The following FAM3B variants were observed in gnomAD, a reference collection of about 807,000 sequenced individuals.
FAM3B encodes FAM3 metabolism regulating signaling molecule B, also known as protein FAM3B.
A neutral mutation model predicts 28.4 loss-of-function variants in FAM3B; 29 were observed. The ratio of observed to expected loss-of-function variants is 1.02; its 90% CI spans 0.76 to 1.39. The LOEUF (loss-of-function observed/expected upper bound fraction) is 1.39. Ranked by LOEUF, FAM3B falls within the 40% of genes most tolerant of loss-of-function variation. FAM3B has a pLI of 0.00. For missense variants in FAM3B, 266 were observed against 293.9 expected, an observed-to-expected ratio of 0.91 and a Z score of 0.69; for synonymous variants, 91 against 103.0, an observed-to-expected ratio of 0.88 and a Z score of 0.71.
chr21:41,341,118 G>A (rs1390814877), intron 3 of FAM3B, among the ~76,000 whole-genome samples: 5 of 151,926 alleles, frequency 3.3e-5, no homozygotes, highest in Non-Finnish European at 5.9e-5. Flanking sequence ...ACACAGTTAT[G>A]ACCTTGGCTT....
At chr21:41,305,227 A>T (rs535776977) in intron 1 of FAM3B, among the ~76,000 whole-genome samples, 1 of 152,234 alleles carries the variant, frequency 6.6e-6, no homozygotes, top group Non-Finnish European at 1.5e-5. Flanking sequence ...GAGATAGAAA[A>T]GAAAGTGGGG....
chr21:41,331,329 G>A (rs537867831), intron 2 of FAM3B, among the ~76,000 whole-genome samples: 44 of 152,134 alleles, frequency 2.9e-4, no homozygotes, highest in African/African-American at 9.6e-4. Flanking sequence ...TGTATGTTTT[G>A]GATATTAATC....
chr21:41,344,637 G>A (rs779912399), intron 4 of FAM3B, 103 bp downstream of exon 4: 12 of 859,112 alleles, frequency 1.4e-5, no homozygotes, highest in African/African-American at 5.1e-5. Flanking sequence ...TTTAGTCTAG[G>A]TTTGTATTTT....
At chr21:41,353,497 G>GAT (rs2089139328) in intron 7 of FAM3B, among the ~76,000 whole-genome samples, 1 of 152,238 alleles carries the variant, frequency 6.6e-6, no homozygotes, top group South Asian at 2.1e-4. Flanking sequence ...CAGCAGATGT[G>GAT]CATGTTCTCA....
At chr21:41,353,418 C>G (rs1456858350) in intron 7 of FAM3B, among the ~76,000 whole-genome samples, 1 of 152,188 alleles carries the variant, frequency 6.6e-6, no homozygotes, top group Admixed American at 6.5e-5. Flanking sequence ...CACAAAGCTG[C>G]TGTGATTGAG....
In FAM3B at chr21:41,355,556, GAAAC is replaced by G. The variant is rs3037007; in HGVS notation, c.619-1530_619-1527del. Among the ~76,000 whole-genome samples the G allele has an allele frequency of 9.3e-3, 1,402 of 151,200 alleles. 14 individuals carry two copies. The highest frequency in any genetic ancestry group is 0.023 in the African/African-American group (950 of 41,354). ...GATGAACCTTGAAAACAGGCTAAGTGAAACAAACAAACAAACAAACAAACACAAA... is the reference window on the plus strand; with the variant it reads ...GATGAACCTTGAAAACAGGCTAAGTGAAACAAACAAACAAACAAACACAAA... On this transcript the variant is annotated intron_variant, in intron 7 of 7. Coordinates refer to ENST00000357985, the MANE Select transcript of FAM3B (RefSeq NM_058186.4).
chr21:41,323,338 T>C (rs1461953191), intron 2 of FAM3B, among the ~76,000 whole-genome samples: 1 of 152,204 alleles, frequency 6.6e-6, no homozygotes, highest in East Asian at 1.9e-4. Flanking sequence ...TCCGCCCAGA[T>C]CTTGGCTTCC....
In FAM3B at chr21:41,338,403, T is replaced by C. The variant is rs560388504; in HGVS notation, c.189T>C (p.Cys63=). The C allele has an allele frequency of 1.4e-4, 225 of 1,614,206 alleles. 1 individual carries two copies. In the South Asian group the frequency reaches 2.4e-3, roughly 17 times the overall value. The part of the protein sequence containing the change: ...LKAPVPKRQK[C]DHWTPCPSDT... ...CTCCAGTCCCCAAAAGGCAAAAATG[T>C]GACCACTGGACTCCCTGCCCATCTG... Residue 63 remains cysteine (C), a synonymous_variant, in exon 3 of 8, where the codon TGT becomes TGC. Coordinates refer to ENST00000357985, the MANE Select transcript of FAM3B (RefSeq NM_058186.4).
chr21:41,308,561 C>CA lies in FAM3B; in HGVS notation n.99+4252dup, dbSNP rs2088693951. ...TTTTTTTTTTTTTTTTTTTTTGAGA[C>CA]AGAGTTTCACTCTTGTTGCCCAGGC... On this transcript the variant is annotated intron_variant and non_coding_transcript_variant, in intron 1 of 9. Coordinates refer to the FAM3B transcript ENST00000479810. Among the ~76,000 whole-genome samples, 3 of 116,544 alleles carry CA rather than the reference C, an allele frequency of 2.6e-5. No homozygotes were observed. The Admixed American group carries it at 3.2e-4, about 12-fold the overall frequency. The allele number at this position is 116,544 out of a possible 152,430, so 76.5% of individuals were successfully genotyped here.
Position 41,326,165 on chromosome 21 carries a change from T to A in FAM3B, c.163+3099T>A, listed in dbSNP as rs1242176858. ...CTTTTGATTGTTTGGGGGAAGGAAT[T>A]TCAGGAAAAGCACTGAAGACCTAGA... On this transcript the variant is annotated intron_variant, in intron 2 of 7. Transcript: ENST00000357985. This position sits in a 1 kb window ranked among gnomAD's most constrained non-coding sequence, Gnocchi z 4.0. Among the ~76,000 whole-genome samples, 2 of 152,132 alleles carry A rather than the reference T, an allele frequency of 1.3e-5. No individual in the cohort carries two copies. Among genetic ancestry groups the A allele is most frequent in the African/African-American group, 4.8e-5 (2 of 41,420 alleles).
chr21:41,342,284 T>C (rs1320808630), intron 3 of FAM3B, among the ~76,000 whole-genome samples: 2 of 152,226 alleles, frequency 1.3e-5, no homozygotes, highest in Non-Finnish European at 2.9e-5. Flanking sequence ...AGATTCCTTG[T>C]CTGGTTTTCA....
At chr21:41,355,721 G>C (rs1275398225) in intron 7 of FAM3B, among the ~76,000 whole-genome samples, 1 of 152,192 alleles carries the variant, frequency 6.6e-6, no homozygotes, top group Non-Finnish European at 1.5e-5. Flanking sequence ...ATGGCTTCTT[G>C]TTTGGGTGAT....
rs780862432 is a variant in FAM3B at position 41,322,982 on chromosome 21, C to T, written c.79C>T (p.Leu27=). ...CTTGTGTGCCTGGTATTCGGGGTAC[C>T]TGCTCGCAGAGCTCATTCCAGATGC... The part of the protein sequence containing the change: ...ASLCAWYSGY[L]LAELIPDAPL... Residue 27 remains leucine, a synonymous_variant, in exon 2 of 8, where the codon CTG becomes TTG. Coordinates refer to ENST00000357985, the MANE Select transcript of FAM3B (RefSeq NM_058186.4). 1 of 1,612,316 alleles carries T rather than the reference C, an allele frequency of 6.2e-7. No individual in the cohort carries two copies. The highest frequency in any genetic ancestry group is 1.3e-5 in the African/African-American group (1 of 74,954).
At chr21:41,310,401 C>T (rs937102935) in intron 1 of FAM3B, among the ~76,000 whole-genome samples, 17 of 152,326 alleles carry the variant, frequency 1.1e-4, no homozygotes, top group African/African-American at 3.6e-4. Context: ...CTAGGAACCC[C>T]GTGAGCTACT....
intron 2 of FAM3B, among the ~76,000 whole-genome samples, chr21:41,330,739 T>G (rs393604): frequency 0.2 from 30,352 of 152,172 alleles, 5,073 homozygotes; most frequent in African/African-American, 0.45. Flanking sequence ...CTGTCCTCCA[T>G]GTTCATCTAC....
At chr21:41,343,381 C>A (rs548132873) in intron 3 of FAM3B, among the ~76,000 whole-genome samples, 1 of 152,176 alleles carries the variant, frequency 6.6e-6, no homozygotes, top group Non-Finnish European at 1.5e-5. Flanking sequence ...TTAACAACAA[C>A]AGCAACAACA....
In FAM3B at chr21:41,357,665, TTGAGCTCTTGAACTCCTCCTGTGGGCCTG is replaced by T. The variant is rs899677348; in HGVS notation, c.*472_*500del. ...ATGTTATGTCCTTGTTCAACTCAAC[TTGAGCTCTTGAACTCCTCCTGTGGGCCTG>T]TGAATGTATTCATTCATTCCACAAC... On this transcript the variant is annotated 3_prime_UTR_variant, in exon 8 of 8. Coordinates refer to ENST00000357985, the MANE Select transcript of FAM3B (RefSeq NM_058186.4). 6.6e-6 allele frequency among the ~76,000 whole-genome samples: 1 copy of T among 152,208 alleles called. No individual in the cohort carries two copies. The highest frequency in any genetic ancestry group is 1.5e-5 in the Non-Finnish European group (1 of 68,034).
chr21:41,356,506 T>C (rs7276343), intron 7 of FAM3B, among the ~76,000 whole-genome samples: 24,826 of 152,156 alleles, frequency 0.16, 2,481 homozygotes, highest in African/African-American at 0.28. Flanking sequence ...CCTTGGAGTA[T>C]AGTTTCTACT....
chr21:41,345,634 G>A, intron 4 of FAM3B, 52 bp from the exon 5 acceptor site: 1 of 1,115,442 alleles, frequency 9.0e-7, no homozygotes, highest in South Asian at 1.6e-5. Flanking sequence ...TGCCACAAGT[G>A]CGCCCTAGTT....
Sources: allele counts gnomAD v4.1 joint callset (sites outside exome capture counted in the v4.1 genomes callset), GRCh38; gene constraint gnomAD v4.1.1; non-coding constraint Gnocchi (gnomAD v3.1); transcripts MANE v1.5; gene names NCBI Gene and HGNC (gene_info 2026-07-23, HGNC 2026-07-21).